Variants in PEAK1 observed in about 807,000 individuals in gnomAD.
The protein encoded by PEAK1 is inactive tyrosine-protein kinase PEAK1.
PEAK1 carries 54 observed loss-of-function variants against 124.7 expected under a neutral mutation model. The observed-to-expected ratio is 0.43, with a 90% CI of 0.35 to 0.54. The LOEUF (loss-of-function observed/expected upper bound fraction) is 0.54. Among genes scored for constraint, PEAK1 ranks in the 20% least tolerant of loss-of-function variants. PEAK1 has a pLI of 0.01. For missense variants in PEAK1, 2,046 were observed against 2,134.5 expected (o/e 0.96, Z 0.82); for synonymous variants, 719 against 760.0 (o/e 0.95, Z 0.89).
chr15:77,338,641 A>AAT (rs1567278154), intron 2 of PEAK1, among the ~76,000 whole-genome samples: 8 of 142,612 alleles, frequency 5.6e-5, no homozygotes, highest in Non-Finnish European at 1.1e-4. Context: ...CTTTAAAAAA[A>AAT]AAAATATATA....
chr15:77,381,193 A>G (rs1358240014), intron 1 of PEAK1: 1 of 976,716 alleles, frequency 1.0e-6, no homozygotes, highest in African/African-American at 1.8e-5. Context: ...CTAATCTAGG[A>G]CTACAGTTGG....
intron 2 of PEAK1, chr15:77,336,429 G>A (rs2141285238): frequency 2.0e-6 from 2 of 985,324 alleles, no homozygotes; most frequent in South Asian, 4.7e-5. Context: ...AGGGGTTAAT[G>A]GTAACCTACT....
At chr15:77,132,823 G>A (rs542114444) in intron 9 of PEAK1, among the ~76,000 whole-genome samples, 182 bp downstream of exon 9, 19 of 151,458 alleles carry the variant, frequency 1.3e-4, no homozygotes, top group Non-Finnish European at 2.5e-4. Flanking sequence ...GTTAAGTTAC[G>A]TATCTGTTTT....
chr15:77,257,948 C>T lies in PEAK1; in HGVS notation c.-274-5422G>A, dbSNP rs188964845. Among the ~76,000 whole-genome samples the T allele has an allele frequency of 9.7e-3, 1,482 of 152,290 alleles. 29 individuals carry two copies. Among genetic ancestry groups the T allele is most frequent in the African/African-American group, 0.034 (1,418 of 41,540 alleles). On this transcript the variant is annotated intron_variant, in intron 5 of 9. Transcript: ENST00000682557. Reference sequence around the variant, plus strand: ...TCCAGTTTCAGCTTTCTACATATAGCTAGCCAGTTTTCCCATCACCATTTA... The same window carrying T: ...TCCAGTTTCAGCTTTCTACATATAGTTAGCCAGTTTTCCCATCACCATTTA...
At chr15:77,315,272 G>T (rs540661642) in intron 2 of PEAK1, among the ~76,000 whole-genome samples, 12 of 152,054 alleles carry the variant, frequency 7.9e-5, no homozygotes, top group Admixed American at 7.9e-4. Flanking sequence ...TCAATATTGG[G>T]CCTAAAACAG....
Position 77,133,271 on chromosome 15 carries a change from GC to G in PEAK1, c.3810del (p.Lys1270AsnfsTer17). 6.2e-7 allele frequency: 1 copy of G among 1,614,260 alleles called. No individual in the cohort carries two copies. Among genetic ancestry groups the G allele is most frequent in the Non-Finnish European group, 8.5e-7 (1 of 1,180,038 alleles). ...CCTCGATAAAGTGCTTGTCTCTGCG[GC>G]TTCTGGATGCCTCGGCCCTGTCTGC... ...PSCRQGRGIQ[K>X]PQRQALYRGL... On this transcript the variant is annotated frameshift_variant, in exon 9 of 10. Coordinates refer to ENST00000682557, the MANE Select transcript of PEAK1 (RefSeq NM_001385026.1). LOFTEE classifies it high-confidence loss of function. The surrounding 1 kb of genome is among the most constrained non-coding windows in gnomAD (Gnocchi z 4.2).
chr15:77,321,830 T>G (rs2065239113), intron 2 of PEAK1, among the ~76,000 whole-genome samples: 1 of 152,190 alleles, frequency 6.6e-6, no homozygotes, highest in Non-Finnish European at 1.5e-5. Flanking sequence ...AATTAACTTT[T>G]GTATAAGGTG....
chr15:77,311,586 T>C (rs953126286), intron 2 of PEAK1, among the ~76,000 whole-genome samples: 24 of 149,296 alleles, frequency 1.6e-4, no homozygotes, highest in African/African-American at 4.2e-4. Context: ...GCAGGGAGAA[T>C]TGCTTGAACC....
chr15:77,164,229 CTATCTAG>C (rs2152797013), intron 7 of PEAK1, among the ~76,000 whole-genome samples: 1 of 152,302 alleles, frequency 6.6e-6, no homozygotes, highest in Admixed American at 6.5e-5. Flanking sequence ...CTACTGATCA[CTATCTAG>C]TGTCTCCAAT....
intron 5 of PEAK1, among the ~76,000 whole-genome samples, chr15:77,257,351 A>G (rs1303272924): frequency 1.3e-5 from 2 of 150,150 alleles, no homozygotes; most frequent in Non-Finnish European, 3.0e-5. Context: ...CAACAGTGTA[A>G]AAGTGTTCCT....
At chr15:77,277,448 A>G (rs75661894) in intron 5 of PEAK1, among the ~76,000 whole-genome samples, 2,677 of 152,276 alleles carry the variant, frequency 0.018, 88 homozygotes, top group African/African-American at 0.061. Flanking sequence ...TATACTACTC[A>G]CTTTACACCA....
chr15:77,396,543 C>T (rs1187809400), intron 1 of PEAK1, among the ~76,000 whole-genome samples: 1 of 152,024 alleles, frequency 6.6e-6, no homozygotes, highest in Non-Finnish European at 1.5e-5. Flanking sequence ...AAACACACTT[C>T]ATCTATAAAG....
intron 5 of PEAK1, among the ~76,000 whole-genome samples, chr15:77,283,550 T>A (rs1312264379): frequency 1.2e-4 from 18 of 152,160 alleles, no homozygotes. Flanking sequence ...AGTTACACAG[T>A]TGTAGCTCTA....
chr15:77,293,144 T>G (rs2063310529), intron 2 of PEAK1, among the ~76,000 whole-genome samples: 1 of 152,180 alleles, frequency 6.6e-6, no homozygotes, highest in Admixed American at 6.5e-5. Flanking sequence ...TCTCTTAAAC[T>G]TATCTCCCCC....
rs896280362 is a variant in PEAK1 at position 77,419,701 on chromosome 15, T to A, written c.-666+305A>T. 45 of 978,628 alleles carry A rather than the reference T, an allele frequency of 4.6e-5. No individual in the cohort carries two copies. The Middle Eastern group carries it at 2.1e-3, about 46-fold the overall frequency. The allele number at this position is 978,628 out of a possible 1,614,324, so 60.6% of individuals were successfully genotyped here. On this transcript the variant is annotated intron_variant, in intron 1 of 9. Transcript: ENST00000682557. ...CCCTCGCGGCAGGTCCCAACTTTCC[T>A]TCCTCTGGGGGGCGTCGCGCTCCCG...
intron 2 of PEAK1, among the ~76,000 whole-genome samples, chr15:77,305,204 A>G (rs916172453): frequency 2.5e-5 from 1 of 39,706 alleles, no homozygotes; most frequent in Admixed American, 4.0e-4. Context: ...GGACGGAAGG[A>G]GGGAGGGAGG....
At chr15:77,217,007 G>A (rs1328542965) in intron 6 of PEAK1, among the ~76,000 whole-genome samples, 1 of 151,970 alleles carries the variant, frequency 6.6e-6, no homozygotes, top group Non-Finnish European at 1.5e-5. Flanking sequence ...GGCTGAAGCG[G>A]ATCATTTGAT....
At position 77,382,253 on chromosome 15, in the gene PEAK1, GTA is replaced by G. The variant is rs547434039; in HGVS notation, c.-665-17030_-665-17029del. On this transcript the variant is annotated intron_variant, in intron 1 of 9. Transcript: ENST00000682557. ...GGCAAAGTTCTGACTTGACAGCCTG[GTA>G]ACACAAGGCCCCTAATATTTGACAC... Among the ~76,000 whole-genome samples, 7 of 152,250 alleles carry G rather than the reference GTA, an allele frequency of 4.6e-5. No individual in the cohort carries two copies. The East Asian group carries it at 1.4e-3, about 29-fold the overall frequency.
chr15:77,114,089 G>A lies in PEAK1; in HGVS notation c.*67C>T. On this transcript the variant is annotated 3_prime_UTR_variant, in exon 10 of 10. Coordinates refer to ENST00000682557, the MANE Select transcript of PEAK1 (RefSeq NM_001385026.1). ...TTCCTTGAATTTGGAGTGAGCACTA[G>A]GGAGGGGAAGTGCATGGGTGACATG... The A allele has an allele frequency of 2.0e-6, 3 of 1,499,984 alleles. No individual in the cohort carries two copies. Among genetic ancestry groups the A allele is most frequent in the Non-Finnish European group, 9.2e-7 (1 of 1,089,620 alleles). 92.9% of individuals were successfully genotyped at this position (1,499,984 alleles called of 1,614,324 possible).
Sources: gnomAD v4.1 joint callset for allele counts (sites outside exome capture counted in the v4.1 genomes callset) on GRCh38, gnomAD v4.1.1 for gene constraint, Gnocchi (gnomAD v3.1) non-coding constraint, MANE v1.5 for transcripts, NCBI Gene and HGNC (gene_info 2026-07-23, HGNC 2026-07-21) for gene names.